Variants in ZDHHC9 observed in about 807,000 individuals in gnomAD.
ZDHHC9 encodes the protein palmitoyltransferase ZDHHC9.
In ZDHHC9, 3 loss-of-function variants were observed where a neutral mutation model predicts 26.6. The observed-to-expected ratio is 0.11, with a 90% CI of 0.05 to 0.29. The LOEUF (loss-of-function observed/expected upper bound fraction) is 0.29, where lower values mean the gene tolerates loss of function less well. Among genes scored for constraint, ZDHHC9 ranks in the 10% least tolerant of loss-of-function variants. The probability of loss-of-function intolerance (pLI) is 1.00; values close to 1 mark genes in which losing one functional copy is unlikely to be tolerated. For synonymous variants in ZDHHC9, 111 were observed against 109.4 expected (o/e 1.01, Z -0.09); for missense variants, 146 against 296.4 (o/e 0.49, Z 3.73).
chrX:129,839,465 G>A (rs962324039), intron 3 of ZDHHC9, among the ~76,000 whole-genome samples: 4 of 110,669 alleles, frequency 3.6e-5, no homozygotes, highest in Admixed American at 2.9e-4. Flanking sequence ...TGCCTGCCTC[G>A]GCCTCCCCAA....
chrX:129,841,277 C>A (rs1455743871), intron 3 of ZDHHC9, among the ~76,000 whole-genome samples: 2 of 112,378 alleles, frequency 1.8e-5, no homozygotes, highest in Non-Finnish European at 3.8e-5. Flanking sequence ...GCCACGCACA[C>A]AACTAGTATG....
Position 129,814,685 on chromosome X carries a change from C to T in ZDHHC9, c.598G>A (p.Ala200Thr), listed in dbSNP as rs769527426. ...SLSLLTIYVF[A>T]FNIVYVALKS... ...AGGGCCACATAGACGATGTTGAAGGCGAAGACATAGATTGTGAGGAGGGAG... is the reference window on the plus strand; with the variant it reads ...AGGGCCACATAGACGATGTTGAAGGTGAAGACATAGATTGTGAGGAGGGAG... Residue 200 changes from alanine to threonine, a missense_variant, in exon 6 of 11, where the codon GCC (alanine) becomes ACC (threonine). Physicochemically the swap from Ala to Thr is moderately conservative, Grantham distance 58 (BLOSUM62 0). This residue lies in a region of ZDHHC9 where 100 missense variants were observed against 250.0 expected (regional missense o/e 0.40). Coordinates refer to ENST00000357166, the MANE Select transcript of ZDHHC9 (RefSeq NM_016032.4). The T allele has an allele frequency of 1.1e-5, 13 of 1,209,050 alleles. No individual in the cohort carries two copies. The highest frequency in any genetic ancestry group is 2.3e-4 in the Middle Eastern group (1 of 4,314).
At chrX:129,839,869 C>T (rs959083903) in intron 3 of ZDHHC9, among the ~76,000 whole-genome samples, 1 of 111,794 alleles carries the variant, frequency 8.9e-6, no homozygotes, top group Non-Finnish European at 1.9e-5. Context: ...CCCACTACTC[C>T]CTCCTCCAGC....
At chrX:129,807,793 T>C (rs1927555840) in intron 10 of ZDHHC9, among the ~76,000 whole-genome samples, 1 of 112,227 alleles carries the variant, frequency 8.9e-6, no homozygotes, top group Non-Finnish European at 1.9e-5. Flanking sequence ...CACTCCAGCC[T>C]GGGCAACAGA....
intron 8 of ZDHHC9, 104 bp from the exon 9 acceptor site, chrX:129,811,613 A>C: frequency 1.5e-6 from 1 of 674,997 alleles, no homozygotes; most frequent in Non-Finnish European, 2.2e-6. Context: ...AATAATAATA[A>C]TGTTGAAGAA....
intron 3 of ZDHHC9, among the ~76,000 whole-genome samples, chrX:129,840,348 T>C (rs931886890): frequency 2.7e-5 from 3 of 110,921 alleles, no homozygotes; most frequent in Non-Finnish European, 3.8e-5. Context: ...GATGTCAGCT[T>C]TGCACTTCCA....
intron 3 of ZDHHC9, among the ~76,000 whole-genome samples, chrX:129,837,192 T>G (rs1465371649): frequency 9.0e-6 from 1 of 111,499 alleles, no homozygotes; most frequent in Non-Finnish European, 1.9e-5. Flanking sequence ...TTTAAGTACA[T>G]CTAGAATGTT....
intron 10 of ZDHHC9, among the ~76,000 whole-genome samples, chrX:129,810,624 C>A (rs1386867125): frequency 9.0e-6 from 1 of 111,564 alleles, no homozygotes; most frequent in Admixed American, 9.5e-5. Flanking sequence ...CCCCACTAGA[C>A]AATGAGCTCC....
intron 5 of ZDHHC9, among the ~76,000 whole-genome samples, chrX:129,816,669 C>G (rs1454243502): frequency 1.8e-5 from 2 of 110,429 alleles, no homozygotes; most frequent in Non-Finnish European, 3.8e-5. Flanking sequence ...ATAATAAAAT[C>G]CAGTGCTAGT....
chrX:129,824,904 A>T (rs1440423799), intron 4 of ZDHHC9, among the ~76,000 whole-genome samples: 3 of 112,766 alleles, frequency 2.7e-5, no homozygotes, highest in African/African-American at 9.7e-5. Context: ...ATAAAACAAT[A>T]CTATCTTGCA....
At chrX:129,811,903 T>C (rs1260843780) in intron 8 of ZDHHC9, among the ~76,000 whole-genome samples, 2 of 111,810 alleles carry the variant, frequency 1.8e-5, no homozygotes, top group African/African-American at 3.3e-5. Context: ...CTATTTTTAT[T>C]TAAAAGTACA....
At chrX:129,832,474 C>T (rs761550290) in intron 3 of ZDHHC9, among the ~76,000 whole-genome samples, 17 of 111,222 alleles carry the variant, frequency 1.5e-4, no homozygotes, top group African/African-American at 5.6e-4. Flanking sequence ...ATGGCAAAAC[C>T]CCATCTCTAC....
chrX:129,839,646 C>T (rs190159338), intron 3 of ZDHHC9, among the ~76,000 whole-genome samples: 1 of 111,702 alleles, frequency 9.0e-6, no homozygotes. Flanking sequence ...TGCTGGTGTA[C>T]CTTGTACAAC....
intron 4 of ZDHHC9, among the ~76,000 whole-genome samples, chrX:129,827,805 T>TTTTGTTTG (rs34522637): frequency 2.8e-5 from 3 of 107,303 alleles, no homozygotes; most frequent in Non-Finnish European, 5.8e-5. Flanking sequence ...AAGCAGCGTT[T>TTTTGTTTG]TTTGTTTGTT....
intron 3 of ZDHHC9, among the ~76,000 whole-genome samples, chrX:129,832,784 AAAATAAAT>A (rs58029912): frequency 4.0e-5 from 4 of 100,228 alleles, no homozygotes; most frequent in East Asian, 6.7e-4. Flanking sequence ...CTCCGTCTCA[AAAATAAAT>A]AAATAAATAA....
chrX:129,825,624 T>C (rs1927999258), intron 4 of ZDHHC9, among the ~76,000 whole-genome samples: 1 of 111,521 alleles, frequency 9.0e-6, no homozygotes, highest in Admixed American at 9.6e-5. Flanking sequence ...TGTAAAAATT[T>C]AAAACATTAC....
chrX:129,828,957 T>C (rs1489270127), intron 4 of ZDHHC9, 24 bp downstream of exon 4: 1 of 1,209,508 alleles, frequency 8.3e-7, no homozygotes, highest in East Asian at 3.0e-5. Flanking sequence ...ACACAGCAGC[T>C]TGCCAGCTGG....
intron 10 of ZDHHC9, among the ~76,000 whole-genome samples, chrX:129,808,464 G>C (rs1333604670): frequency 1.8e-5 from 2 of 112,147 alleles, no homozygotes; most frequent in Non-Finnish European, 3.8e-5. Context: ...TATGGGAGAA[G>C]AATAGTCCTT....
At chrX:129,818,900 T>C (rs896702267) in intron 5 of ZDHHC9, among the ~76,000 whole-genome samples, 1 of 110,977 alleles carries the variant, frequency 9.0e-6, no homozygotes, top group Non-Finnish European at 1.9e-5. Flanking sequence ...GGGCCAGGCG[T>C]GGTGGCTCAC....
Sources: allele counts gnomAD v4.1 joint callset (sites outside exome capture counted in the v4.1 genomes callset), GRCh38; gene constraint gnomAD v4.1.1; regional missense constraint gnomAD v4.1.1; transcripts MANE v1.5; gene names NCBI Gene and HGNC (gene_info 2026-07-23, HGNC 2026-07-21).